VWA3B: variants seen among roughly 807,000 people sequenced by gnomAD.
VWA3B encodes von Willebrand factor A domain-containing protein 3B.
A neutral mutation model predicts 158.3 loss-of-function variants in VWA3B; 138 were observed. That is an observed-to-expected ratio of 0.87 (90% confidence interval 0.76 to 1.00). The LOEUF is 1.00. Among genes scored for constraint, VWA3B ranks in the 50% least tolerant of loss-of-function variants. The pLI is 0.00. For synonymous variants in VWA3B, 596 were observed against 587.3 expected, an observed-to-expected ratio of 1.01 and a Z score of -0.21; for missense variants, 1,555 against 1,565.1, an observed-to-expected ratio of 0.99 and a Z score of 0.11.
chr2:98,209,848 T>G (rs62154942), intron 12 of VWA3B, among the ~76,000 whole-genome samples: 1 of 152,208 alleles, frequency 6.6e-6, no homozygotes, highest in African/African-American at 2.4e-5. Context: ...TTTCCACTTA[T>G]GTCTGTTTAT....
At chr2:98,129,520 T>C (rs1559557060) in intron 6 of VWA3B, among the ~76,000 whole-genome samples, 1 of 152,172 alleles carries the variant, frequency 6.6e-6, no homozygotes, top group Non-Finnish European at 1.5e-5. Context: ...AATTAGGGCT[T>C]CAACATAGGA....
chr2:98,294,553 G>A (rs1251664859), intron 23 of VWA3B, among the ~76,000 whole-genome samples: 2 of 152,256 alleles, frequency 1.3e-5, no homozygotes, highest in Non-Finnish European at 1.5e-5. Flanking sequence ...TGTACAGAGC[G>A]ATAGCCTGGC....
rs144271752 is a variant in VWA3B at position 98,254,395 on chromosome 2, C to G, written c.2793-1729C>G. Among the ~76,000 whole-genome samples, 301 of 152,164 alleles carry G rather than the reference C, an allele frequency of 2.0e-3. 3 individuals are homozygous for G. Among genetic ancestry groups the G allele is most frequent in the African/African-American group, 7.0e-3 (290 of 41,488 alleles). On this transcript the variant is annotated intron_variant, in intron 20 of 27. Transcript: ENST00000477737. ...GGGGATTGTGAATGGGTTTTTTGTT[C>G]GTTTGCTTGTTTGTTTTTCAGAGAA...
intron 22 of VWA3B, among the ~76,000 whole-genome samples, chr2:98,286,553 T>C (rs1305454296): frequency 6.6e-6 from 1 of 152,194 alleles, no homozygotes; most frequent in Non-Finnish European, 1.5e-5. Flanking sequence ...ATTAATATGG[T>C]ATATTACATT....
intron 12 of VWA3B, among the ~76,000 whole-genome samples, chr2:98,202,170 G>A (rs1682604852): frequency 6.6e-6 from 1 of 152,084 alleles, no homozygotes; most frequent in African/African-American, 2.4e-5. Flanking sequence ...TTAAAACTAT[G>A]AATTCAATTT....
At chr2:98,244,981 A>G (rs1574182261) in intron 19 of VWA3B, among the ~76,000 whole-genome samples, 2 of 152,036 alleles carry the variant, frequency 1.3e-5, no homozygotes, top group Admixed American at 1.3e-4. Flanking sequence ...GTCTCTCTGC[A>G]CCCTCCATCC....
At chr2:98,284,456 G>A (rs1399516043) in intron 22 of VWA3B, among the ~76,000 whole-genome samples, 1 of 152,136 alleles carries the variant, frequency 6.6e-6, no homozygotes, top group Non-Finnish European at 1.5e-5. Context: ...AATAACCCAA[G>A]AGCAAATGAT....
intron 22 of VWA3B, among the ~76,000 whole-genome samples, chr2:98,272,460 C>T (rs1412220246): frequency 1.3e-5 from 2 of 152,170 alleles, no homozygotes; most frequent in African/African-American, 2.4e-5. Flanking sequence ...GCTCTCCAAA[C>T]CCTGTCCTTT....
the VWA3B span, among the ~76,000 whole-genome samples, chr2:98,320,305 C>A: frequency 6.6e-6 from 1 of 152,088 alleles, no homozygotes; most frequent in East Asian, 1.9e-4. Context: ...TCCATTAAAT[C>A]GCTTTTCTTT....
the VWA3B span, among the ~76,000 whole-genome samples, chr2:98,325,185 G>T: frequency 6.6e-6 from 1 of 152,110 alleles, no homozygotes; most frequent in Non-Finnish European, 1.5e-5. Flanking sequence ...AAGAAGTTCA[G>T]TGAATCCCAG....
intron 12 of VWA3B, among the ~76,000 whole-genome samples, chr2:98,202,851 A>G (rs914126373): frequency 6.7e-6 from 1 of 150,356 alleles, no homozygotes; most frequent in African/African-American, 2.4e-5. Context: ...ATTTATTTTG[A>G]GATGGAGTTT....
At chr2:98,162,712 A>C in intron 7 of VWA3B, 139 bp from the exon 8 acceptor site, 5 of 1,206,020 alleles carry the variant, frequency 4.1e-6, no homozygotes, top group Non-Finnish European at 5.7e-6. Context: ...ATTCTCAGAA[A>C]GAGATTAGTG....
intron 17 of VWA3B, among the ~76,000 whole-genome samples, 198 bp downstream of exon 17, chr2:98,234,965 T>C (rs562325555): frequency 1.3e-5 from 2 of 152,350 alleles, no homozygotes; most frequent in South Asian, 2.1e-4. Flanking sequence ...CTTGTGCTTA[T>C]GGTGCCTGGG....
Position 98,240,722 on chromosome 2 carries a change from T to C in VWA3B, c.2673+3992T>C, listed in dbSNP as rs138746711. 3.0e-3 allele frequency among the ~76,000 whole-genome samples: 463 copies of C among 152,288 alleles called. 2 individuals carry two copies. The highest frequency in any genetic ancestry group is 0.027 in the Middle Eastern group (8 of 294). ...CCTATTCTTTCCTCATTGGTTCATA[T>C]GCTGAAGAAGCAAACTTAATATTCA... On this transcript the variant is annotated intron_variant, in intron 19 of 27. Coordinates refer to ENST00000477737, the MANE Select transcript of VWA3B (RefSeq NM_144992.5).
At chr2:98,098,447 CT>C (rs200671790) in intron 2 of VWA3B, among the ~76,000 whole-genome samples, 3,971 of 152,008 alleles carry the variant, frequency 0.026, 74 homozygotes, top group Non-Finnish European at 0.037. Context: ...GAATTGACCC[CT>C]TTTTGATTAT....
chr2:98,176,649 C>G (rs1680041175), intron 8 of VWA3B, among the ~76,000 whole-genome samples: 1 of 152,128 alleles, frequency 6.6e-6, no homozygotes, highest in Non-Finnish European at 1.5e-5. Context: ...GGGTTATGGT[C>G]TCTCAAATAC....
intron 21 of VWA3B, among the ~76,000 whole-genome samples, chr2:98,259,325 ATTG>A (rs1453365741): frequency 6.6e-6 from 1 of 151,668 alleles, no homozygotes; most frequent in Admixed American, 6.6e-5. Flanking sequence ...TTTGAGCAGT[ATTG>A]TTGTTAATTA....
At chr2:98,255,716 C>A (rs1000903358) in intron 20 of VWA3B, among the ~76,000 whole-genome samples, 3 of 152,092 alleles carry the variant, frequency 2.0e-5, no homozygotes, top group African/African-American at 7.3e-5. Context: ...TTATTTATGA[C>A]CCTGTTAAAC....
intron 2 of VWA3B, among the ~76,000 whole-genome samples, chr2:98,108,776 C>CT (rs1175095661): frequency 6.6e-6 from 1 of 151,444 alleles, no homozygotes; most frequent in Admixed American, 6.6e-5. Context: ...ATTGTTGAGT[C>CT]TTTTTAAAAA....
Sources: allele counts gnomAD v4.1 joint callset (sites outside exome capture counted in the v4.1 genomes callset), GRCh38; gene constraint gnomAD v4.1.1; transcripts MANE v1.5; gene names NCBI Gene and HGNC (gene_info 2026-07-23, HGNC 2026-07-21).